The following CAMKK1 variants were observed in gnomAD, a reference collection of about 807,000 sequenced individuals.
CAMKK1 encodes the protein calcium/calmodulin dependent protein kinase kinase 1.
CAMKK1 carries 20 observed loss-of-function variants against 63.5 expected under a neutral mutation model. The ratio of observed to expected loss-of-function variants is 0.32; its 90% CI spans 0.22 to 0.46. The LOEUF is 0.46. CAMKK1 is among the 20% of genes least tolerant of loss of function. The pLI is 1.00. For synonymous variants in CAMKK1, 253 were observed against 269.0 expected, an observed-to-expected ratio of 0.94 and a Z score of 0.58; for missense variants, 588 against 658.1, an observed-to-expected ratio of 0.89 and a Z score of 1.17.
Position 3,885,219 on chromosome 17 carries a change from T to C in CAMKK1, c.360+109A>G, listed in dbSNP as rs1202002000. On this transcript the variant is annotated intron_variant, in intron 2 of 15. Coordinates refer to ENST00000348335, the MANE Select transcript of CAMKK1 (RefSeq NM_032294.3). ...GTAGTGATCTCCCCAGCTCTGAGGGTATGCAAACCAAAGCTAGATAGCCGT... is the reference window on the plus strand; with the variant it reads ...GTAGTGATCTCCCCAGCTCTGAGGGCATGCAAACCAAAGCTAGATAGCCGT... 4 of 1,249,016 alleles carry C rather than the reference T, an allele frequency of 3.2e-6. No individual in the cohort carries two copies. In the African/African-American group the frequency reaches 6.0e-5, roughly 19 times the overall value. 77.4% of individuals were successfully genotyped at this position (1,249,016 alleles called of 1,614,324 possible).
intron 10 of CAMKK1, 120 bp from the exon 11 acceptor site, chr17:3,873,582 G>A (rs2055000168): frequency 1.4e-5 from 13 of 941,468 alleles, no homozygotes; most frequent in Middle Eastern, 2.2e-4. Flanking sequence ...GCACTCACTC[G>A]ACAAACACTC....
At chr17:3,868,464 G>A (rs1328283560) in intron 14 of CAMKK1, among the ~76,000 whole-genome samples, 3 of 141,876 alleles carry the variant, frequency 2.1e-5, no homozygotes, top group African/African-American at 5.1e-5. Context: ...GGGAGACGCA[G>A]GCGCCGCCTA....
intron 9 of CAMKK1, among the ~76,000 whole-genome samples, chr17:3,878,404 G>T (rs1375868625): frequency 6.6e-6 from 1 of 152,186 alleles, no homozygotes; most frequent in African/African-American, 2.4e-5. Flanking sequence ...AGATAAACTC[G>T]TTTCTTTGTG....
chr17:3,887,046 C>G lies in CAMKK1; in HGVS notation c.-43-1316G>C, dbSNP rs940451235. On this transcript the variant is annotated intron_variant, in intron 1 of 15. Transcript: ENST00000348335. This position sits in a 1 kb window ranked among gnomAD's most constrained non-coding sequence, Gnocchi z 6.1. The stretch of plus-strand genomic sequence containing the variant: ...ACGCATGGTGAAGCGCCTGCTCTAC[C>G]GCTCGTTCCCCATCCCCTTGCTTTG... Among the ~76,000 whole-genome samples the G allele has an allele frequency of 3.9e-5, 6 of 152,140 alleles. No individual in the cohort carries two copies. In the East Asian group the frequency reaches 9.6e-4, roughly 24 times the overall value.
intron 1 of CAMKK1, among the ~76,000 whole-genome samples, chr17:3,891,151 C>T (rs1226213695): frequency 6.6e-6 from 1 of 150,676 alleles, no homozygotes; most frequent in Non-Finnish European, 1.5e-5. Flanking sequence ...GGGACATGGA[C>T]GCCTGGGATG....
In CAMKK1 at chr17:3,887,572, G is replaced by A. The variant is rs1200668929; in HGVS notation, c.-43-1842C>T. 1.3e-5 allele frequency among the ~76,000 whole-genome samples: 2 copies of A among 151,826 alleles called. No homozygotes were observed. Among genetic ancestry groups the A allele is most frequent in the Non-Finnish European group, 2.9e-5 (2 of 67,854 alleles). ...GACAGTGAGTGCGGCTGTGGCACAA[G>A]GAGGCCTCCCTGGAGGAGGTGAGAG... On this transcript the variant is annotated intron_variant, in intron 1 of 15. Coordinates refer to ENST00000348335, the MANE Select transcript of CAMKK1 (RefSeq NM_032294.3). This position sits in a 1 kb window ranked among gnomAD's most constrained non-coding sequence, Gnocchi z 6.1.
At chr17:3,888,101 C>T (rs183618614) in intron 1 of CAMKK1, among the ~76,000 whole-genome samples, 4 of 152,298 alleles carry the variant, frequency 2.6e-5, no homozygotes, top group East Asian at 3.9e-4. Context: ...AAGCCTCAGG[C>T]CCCAGCACAT....
intron 1 of CAMKK1, among the ~76,000 whole-genome samples, chr17:3,888,167 C>T (rs1043044527): frequency 2.6e-5 from 4 of 152,204 alleles, no homozygotes; most frequent in Non-Finnish European, 4.4e-5. Context: ...TAGGCAGGGA[C>T]TACGGGACTC....
intron 8 of CAMKK1, among the ~76,000 whole-genome samples, chr17:3,880,666 C>A (rs978248388): frequency 2.6e-5 from 4 of 152,142 alleles, no homozygotes; most frequent in Non-Finnish European, 5.9e-5. Context: ...GATATTCCTT[C>A]TTCTAAGTAC....
At chr17:3,864,053 A>C (rs143068575) in intron 15 of CAMKK1, among the ~76,000 whole-genome samples, 3,021 of 151,376 alleles carry the variant, frequency 0.02, 85 homozygotes, top group African/African-American at 0.069. Context: ...CCCAGACTCA[A>C]GCAATCCTCC....
In CAMKK1 at chr17:3,890,840, T is replaced by C; in HGVS notation, c.-44+2099A>G. 1 of 766,870 alleles carries C rather than the reference T, an allele frequency of 1.3e-6. No individual in the cohort carries two copies. The highest frequency in any genetic ancestry group is 1.4e-5 in the South Asian group (1 of 73,038). The allele number at this position is 766,870 out of a possible 1,614,324, so 47.5% of individuals were successfully genotyped here. A position where few individuals can be genotyped will look rare whatever the true frequency, so the allele number is the denominator to read the frequency against. On this transcript the variant is annotated intron_variant, in intron 1 of 15. Coordinates refer to ENST00000348335, the MANE Select transcript of CAMKK1 (RefSeq NM_032294.3). This position sits in a 1 kb window ranked among gnomAD's most constrained non-coding sequence, Gnocchi z 6.5. Reference sequence around the variant, plus strand: ...CTCAGACATCGCCTCTTCTGAGCCCTCCTTGATCTCCCCACTACCTGCTGG... The same window carrying C: ...CTCAGACATCGCCTCTTCTGAGCCCCCCTTGATCTCCCCACTACCTGCTGG...
intron 12 of CAMKK1, among the ~76,000 whole-genome samples, chr17:3,871,602 C>T (rs1242627586): frequency 4.0e-5 from 6 of 149,746 alleles, no homozygotes; most frequent in Admixed American, 6.6e-5. Context: ...GTGATCCGCC[C>T]TCCTTGGCCT....
At chr17:3,874,204 A>C (rs1021447030) in intron 10 of CAMKK1, among the ~76,000 whole-genome samples, 2 of 152,158 alleles carry the variant, frequency 1.3e-5, no homozygotes, top group Non-Finnish European at 2.9e-5. Flanking sequence ...TGTCAAGATC[A>C]GGAAAGACAA....
Position 3,883,905 on chromosome 17 carries a change from G to T in CAMKK1, c.441C>A (p.Asn147Lys), listed in dbSNP as rs776775275. 2 of 1,613,644 alleles carry T rather than the reference G, an allele frequency of 1.2e-6. No homozygotes were observed. The highest frequency in any genetic ancestry group is 1.7e-6 in the Non-Finnish European group (2 of 1,179,928). ...TCACATAGTGTCTGTCTTCACTTTC[G>T]TTGTAGGCCAGCCTCACCACACCGT... ...GAYGVVRLAY[N>K]ESEDRHYAMK... Residue 147 changes from asparagine to lysine, a missense_variant, in exon 4 of 16, where the codon AAC (asparagine) becomes AAA (lysine). Asn to Lys is a moderately conservative substitution (Grantham distance 94, BLOSUM62 0). This residue lies in a region of CAMKK1 where 357 missense variants were observed against 407.4 expected (regional missense o/e 0.88). Coordinates refer to ENST00000348335, the MANE Select transcript of CAMKK1 (RefSeq NM_032294.3). This position sits in a 1 kb window ranked among gnomAD's most constrained non-coding sequence, Gnocchi z 4.7.
Position 3,884,039 on chromosome 17 carries a change from A to G in CAMKK1, c.409-102T>C. On this transcript the variant is annotated intron_variant, in intron 3 of 15. Transcript: ENST00000348335. This position sits in a 1 kb window ranked among gnomAD's most constrained non-coding sequence, Gnocchi z 4.5. ...GCAGCTCTGGTCTCTCCTGCACCCC[A>G]TCTGCACTACCCACCACCAGCTGGC... 2.7e-6 allele frequency: 3 copies of G among 1,119,606 alleles called. No homozygotes were observed. In the South Asian group the frequency reaches 3.8e-5, roughly 14 times the overall value. 69.4% of individuals were successfully genotyped at this position (1,119,606 alleles called of 1,614,324 possible). A position where few individuals can be genotyped will look rare whatever the true frequency, so the allele number is the denominator to read the frequency against.
At chr17:3,872,223 AAGG>A (rs1307319525) in intron 12 of CAMKK1, among the ~76,000 whole-genome samples, 6 of 152,110 alleles carry the variant, frequency 3.9e-5, no homozygotes, top group African/African-American at 7.2e-5. Context: ...TGAGTGGGGG[AAGG>A]AGAAGTTCCC....
At chr17:3,865,762 G>T in intron 15 of CAMKK1, 146 bp downstream of exon 15, 2 of 1,459,614 alleles carry the variant, frequency 1.4e-6, no homozygotes, top group Non-Finnish European at 1.8e-6. Flanking sequence ...TGGGGACAGA[G>T]ATGCAAATGG....
chr17:3,863,440 G>A (rs957050029), intron 15 of CAMKK1, among the ~76,000 whole-genome samples: 2 of 152,256 alleles, frequency 1.3e-5, no homozygotes, highest in African/African-American at 2.4e-5. Context: ...GGAGACTGCA[G>A]TGAGTTGAGT....
At chr17:3,869,650 G>A in intron 13 of CAMKK1, 35 bp from the exon 14 acceptor site, 1 of 1,613,912 alleles carries the variant, frequency 6.2e-7, no homozygotes, top group Non-Finnish European at 8.5e-7. Flanking sequence ...GAGGGGGAGA[G>A]GTCAGGCCAT....
Sources: gnomAD v4.1 joint callset for allele counts (sites outside exome capture counted in the v4.1 genomes callset) on GRCh38, gnomAD v4.1.1 for gene constraint, gnomAD v4.1.1 regional missense constraint, Gnocchi (gnomAD v3.1) non-coding constraint, MANE v1.5 for transcripts, NCBI Gene and HGNC (gene_info 2026-07-23, HGNC 2026-07-21) for gene names.